Variants in VTI1A observed in about 807,000 individuals in gnomAD.
VTI1A encodes the protein vesicle transport through interaction with t-SNAREs 1A.
In VTI1A, 22 loss-of-function variants were observed where a neutral mutation model predicts 34.9. The ratio of observed to expected loss-of-function variants is 0.63; its 90% CI spans 0.45 to 0.90. The LOEUF is 0.90. Ranked by LOEUF, VTI1A falls within the 40% of genes least tolerant of loss-of-function variation. The probability of loss-of-function intolerance (pLI) is 0.00; values close to 1 mark genes in which losing one functional copy is unlikely to be tolerated. For synonymous variants in VTI1A, 87 were observed against 97.3 expected, an observed-to-expected ratio of 0.89 and a Z score of 0.62; for missense variants, 268 against 275.6, an observed-to-expected ratio of 0.97 and a Z score of 0.20.
At chr10:112,680,854 C>T (rs1848187878) in intron 7 of VTI1A, among the ~76,000 whole-genome samples, 1 of 152,152 alleles carries the variant, frequency 6.6e-6, no homozygotes, top group Non-Finnish European at 1.5e-5. Context: ...CTTTCCTTCT[C>T]ATGGCAGCTT....
chr10:112,610,073 C>T (rs914112793), intron 5 of VTI1A, among the ~76,000 whole-genome samples: 1 of 150,386 alleles, frequency 6.6e-6, no homozygotes, highest in African/African-American at 2.4e-5. Context: ...ACAAAACACA[C>T]AGGAAAAGAA....
At chr10:112,527,738 T>G (rs1850285743) in intron 4 of VTI1A, among the ~76,000 whole-genome samples, 1 of 148,976 alleles carries the variant, frequency 6.7e-6, no homozygotes. Flanking sequence ...ATAATAATAA[T>G]AGGATAAGTC....
intron 5 of VTI1A, among the ~76,000 whole-genome samples, chr10:112,618,008 G>A (rs1459389212): frequency 6.6e-6 from 1 of 152,034 alleles, no homozygotes; most frequent in Admixed American, 6.5e-5. Flanking sequence ...ATAAAAATTA[G>A]CCCGGTGTGG....
intron 7 of VTI1A, among the ~76,000 whole-genome samples, chr10:112,773,416 T>C (rs574559683): frequency 3.9e-5 from 6 of 152,294 alleles, no homozygotes; most frequent in Admixed American, 2.0e-4. Flanking sequence ...CTGCTTCAGA[T>C]CATAGAAGCC....
chr10:112,775,081 A>AGGTTGGGTCTTGTGACTCTGCTT (rs1851924198), intron 7 of VTI1A, among the ~76,000 whole-genome samples: 1 of 152,178 alleles, frequency 6.6e-6, no homozygotes, highest in Non-Finnish European at 1.5e-5. Flanking sequence ...AGTGATATTG[A>AGGTTGGGTCTTGTGACTCTGCTT]GGTTGGGTCT....
intron 7 of VTI1A, among the ~76,000 whole-genome samples, chr10:112,811,714 A>ATGC (rs1853319007): frequency 8.1e-6 from 1 of 124,182 alleles, no homozygotes; most frequent in Non-Finnish European, 1.7e-5. Context: ...AAAAAAAAAG[A>ATGC]GTGCAGTCCA....
chr10:112,507,220 C>G (rs1849461763), intron 3 of VTI1A, among the ~76,000 whole-genome samples: 1 of 152,110 alleles, frequency 6.6e-6, no homozygotes, highest in African/African-American at 2.4e-5. Context: ...CACTTAAGCT[C>G]CAAATGCTGG....
At chr10:112,621,061 G>A (rs1391160290) in intron 5 of VTI1A, among the ~76,000 whole-genome samples, 1 of 152,188 alleles carries the variant, frequency 6.6e-6, no homozygotes, top group Non-Finnish European at 1.5e-5. Context: ...AAAATTGCCT[G>A]TTCTTTTCCA....
chr10:112,483,819 G>T (rs144600854), intron 3 of VTI1A, among the ~76,000 whole-genome samples: 336 of 152,088 alleles, frequency 2.2e-3, no homozygotes, highest in Admixed American at 3.6e-3. Flanking sequence ...ACAATTAAAG[G>T]CATCTAATAG....
chr10:112,707,283 C>T (rs1009583232), intron 7 of VTI1A, among the ~76,000 whole-genome samples: 3 of 152,136 alleles, frequency 2.0e-5, no homozygotes, highest in Non-Finnish European at 4.4e-5. Context: ...ATCCTCCCAT[C>T]TCAGCCTCCC....
chr10:112,488,952 G>A (rs922537285), intron 3 of VTI1A, among the ~76,000 whole-genome samples: 3 of 151,770 alleles, frequency 2.0e-5, no homozygotes, highest in African/African-American at 7.3e-5. Context: ...TTTTATTCTC[G>A]TGTTTTGGAA....
At chr10:112,648,896 A>G (rs1846901846) in intron 5 of VTI1A, among the ~76,000 whole-genome samples, 1 of 152,172 alleles carries the variant, frequency 6.6e-6, no homozygotes, top group South Asian at 2.1e-4. Context: ...TAAAATATAT[A>G]TCTATTAAAT....
chr10:112,607,405 A>G (rs1845125804), intron 5 of VTI1A, among the ~76,000 whole-genome samples: 1 of 152,154 alleles, frequency 6.6e-6, no homozygotes, highest in Non-Finnish European at 1.5e-5. Context: ...AGCACTTAAG[A>G]CATCATTGTA....
At chr10:112,541,114 T>C (rs1850852029) in intron 5 of VTI1A, among the ~76,000 whole-genome samples, 1 of 152,206 alleles carries the variant, frequency 6.6e-6, no homozygotes, top group African/African-American at 2.4e-5. Flanking sequence ...ATTGAAATAG[T>C]AGGTAGAAGT....
chr10:112,606,008 G>GTTTTCTTT (rs200165759), intron 5 of VTI1A, among the ~76,000 whole-genome samples: 1 of 145,778 alleles, frequency 6.9e-6, no homozygotes, highest in Admixed American at 7.2e-5. Context: ...TTGTGTGCTA[G>GTTTTCTTT]TTTTCTTTTT....
At chr10:112,576,268 G>C (rs959277790) in intron 5 of VTI1A, among the ~76,000 whole-genome samples, 3 of 148,436 alleles carry the variant, frequency 2.0e-5, no homozygotes, top group Non-Finnish European at 4.5e-5. Context: ...GATCCGCCCC[G>C]CTCGGCCTCC....
intron 5 of VTI1A, among the ~76,000 whole-genome samples, chr10:112,596,482 A>G (rs911018142): frequency 2.0e-5 from 3 of 152,158 alleles, no homozygotes; most frequent in Non-Finnish European, 4.4e-5. Context: ...TTTTAAAACT[A>G]TTTAACTAAT....
At chr10:112,693,413 G>C (rs557873343) in intron 7 of VTI1A, among the ~76,000 whole-genome samples, 1 of 151,920 alleles carries the variant, frequency 6.6e-6, no homozygotes, top group East Asian at 1.9e-4. Flanking sequence ...CAGGCGTGGT[G>C]GTGGGCACCT....
At chr10:112,741,366 T>C (rs1452546281) in intron 7 of VTI1A, among the ~76,000 whole-genome samples, 2 of 151,924 alleles carry the variant, frequency 1.3e-5, no homozygotes, top group Admixed American at 1.3e-4. Context: ...GAGGCAGGAG[T>C]ATCACTTGAG....
Sources: allele counts gnomAD v4.1 joint callset (sites outside exome capture counted in the v4.1 genomes callset), GRCh38; gene constraint gnomAD v4.1.1; transcripts MANE v1.5; gene names NCBI Gene and HGNC (gene_info 2026-07-23, HGNC 2026-07-21).